SMARCAD1: variants seen among roughly 807,000 people sequenced by gnomAD.
SMARCAD1 encodes the protein SNF2 related chromatin remodeling ATPase with DExD box 1, also known as SWI/SNF-related matrix-associated actin-dependent regulator of chromatin subfamily A containing DEAD/H box 1.
SMARCAD1 carries 25 observed loss-of-function variants against 127.1 expected under a neutral mutation model. The observed-to-expected ratio is 0.20, with a 90% CI of 0.14 to 0.27. The LOEUF (loss-of-function observed/expected upper bound fraction) is 0.27, where lower values mean the gene tolerates loss of function less well. Ranked by LOEUF, SMARCAD1 falls within the 10% of genes least tolerant of loss-of-function variation. The pLI is 1.00. For missense variants in SMARCAD1, 807 were observed against 1,206.0 expected, an observed-to-expected ratio of 0.67 and a Z score of 4.90; for synonymous variants, 400 against 396.9, an observed-to-expected ratio of 1.01 and a Z score of -0.09.
At chr4:94,270,857 G>T in intron 11 of SMARCAD1, 39 bp downstream of exon 11, 1 of 1,569,078 alleles carries the variant, frequency 6.4e-7, no homozygotes, top group African/African-American at 1.3e-5. Flanking sequence ...TGTTGAAAGT[G>T]TCATTAAAAG....
intron 23 of SMARCAD1, among the ~76,000 whole-genome samples, chr4:94,287,215 T>G: frequency 6.6e-6 from 1 of 152,314 alleles, no homozygotes; most frequent in East Asian, 1.9e-4. Context: ...AGAATAAGGA[T>G]GTAATGGCGT....
chr4:94,252,771 T>C lies in SMARCAD1; in HGVS notation c.1045T>C (p.Phe349Leu). 6.2e-7 allele frequency: 1 copy of C among 1,610,790 alleles called. No homozygotes were observed. Among genetic ancestry groups the C allele is most frequent in the Non-Finnish European group, 8.5e-7 (1 of 1,179,302 alleles). ...TAACAAGAAACGTAAAAAAAATGTT[T>C]TTAATCCAAAGAGAGTTGTTGAAGA... is the stretch of plus-strand genomic sequence containing the variant. ...GFNKKRKKNVFNPKRVVEDSE... is the reference protein window; with the variant it reads ...GFNKKRKKNVLNPKRVVEDSE... The change falls in exon 9 of 24, where the codon TTT (phenylalanine) becomes CTT (leucine). Residue 349 changes from phenylalanine (F) to leucine (L), a missense_variant. Physicochemically the swap from Phe to Leu is conservative, Grantham distance 22 (BLOSUM62 0). This residue lies in a region of SMARCAD1 where 257 missense variants were observed against 303.4 expected (regional missense o/e 0.85). Transcript: ENST00000354268.
chr4:94,232,439 T>G (rs1179461317), intron 3 of SMARCAD1, among the ~76,000 whole-genome samples: 1 of 152,062 alleles, frequency 6.6e-6, no homozygotes, highest in Non-Finnish European at 1.5e-5. Context: ...AGAGGCAAGG[T>G]CAAGTAGGGA....
rs568571301 is a variant in SMARCAD1, at chr4:94,214,264, T to C, written c.190+5680T>C. Reference sequence around the variant, plus strand: ...GATTATTGAAAATTGAGCGTTCTTTTGTTTTTTTTTTTTTTTTTGAGACAG... The same window carrying C: ...GATTATTGAAAATTGAGCGTTCTTTCGTTTTTTTTTTTTTTTTTGAGACAG... On this transcript the variant is annotated intron_variant, in intron 2 of 23. Transcript: ENST00000354268. Among the ~76,000 whole-genome samples, 5 of 111,940 alleles carry C rather than the reference T, an allele frequency of 4.5e-5. No homozygotes were observed. In the South Asian group the frequency reaches 1.5e-3, roughly 33 times the overall value. 73.4% of individuals were successfully genotyped at this position (111,940 alleles called of 152,430 possible). A position where few individuals can be genotyped will look rare whatever the true frequency, so the allele number is the denominator to read the frequency against.
chr4:94,250,710 A>G (rs1749155088), intron 7 of SMARCAD1, 42 bp from the exon 8 acceptor site: 1 of 1,405,642 alleles, frequency 7.1e-7, no homozygotes, highest in Non-Finnish European at 9.8e-7. Context: ...GCAAGTTGCT[A>G]ATTTGAGATT....
Position 94,244,717 on chromosome 4 carries a change from GTTC to G in SMARCAD1, c.705+3716_705+3718del, listed in dbSNP as rs139494137. On this transcript the variant is annotated intron_variant, in intron 6 of 23. Coordinates refer to ENST00000354268, the MANE Select transcript of SMARCAD1 (RefSeq NM_020159.5). ...ACATTTGCATTTATATTTTTACTTA[GTTC>G]TTCTCTGTTAAAGAGGATGAATGCC... 9.1e-3 allele frequency among the ~76,000 whole-genome samples: 1,366 copies of G among 150,594 alleles called. 24 individuals are homozygous for G. The highest frequency in any genetic ancestry group is 0.031 in the African/African-American group (1,272 of 40,860).
chr4:94,253,395 T>C, intron 9 of SMARCAD1: 1 of 1,262,708 alleles, frequency 7.9e-7, no homozygotes, highest in Non-Finnish European at 1.0e-6. Flanking sequence ...GCAGAAATTT[T>C]ACTACAACTA....
chr4:94,266,946 A>G (rs1479495891), intron 10 of SMARCAD1, among the ~76,000 whole-genome samples: 3 of 152,162 alleles, frequency 2.0e-5, no homozygotes, highest in African/African-American at 7.2e-5. Context: ...TTAAAATGTC[A>G]AAATTTAAAT....
intron 2 of SMARCAD1, among the ~76,000 whole-genome samples, chr4:94,212,161 A>G (rs1172453021): frequency 6.6e-6 from 1 of 152,200 alleles, no homozygotes; most frequent in East Asian, 1.9e-4. Flanking sequence ...TACTTTATAC[A>G]TTTTTTAAAA....
chr4:94,248,825 A>G (rs765935542), intron 6 of SMARCAD1, among the ~76,000 whole-genome samples: 23 of 152,280 alleles, frequency 1.5e-4, no homozygotes, highest in Admixed American at 4.6e-4. Flanking sequence ...AGTTATTTCT[A>G]TCTAAGGTAC....
At chr4:94,218,968 C>T (rs1212940983) in intron 2 of SMARCAD1, among the ~76,000 whole-genome samples, 3 of 151,944 alleles carry the variant, frequency 2.0e-5, no homozygotes, top group African/African-American at 4.8e-5. Context: ...TGCACCACCA[C>T]GCCTGGCTAA....
At chr4:94,280,531 T>C in intron 19 of SMARCAD1, 61 bp from the exon 20 acceptor site, 2 of 1,367,038 alleles carry the variant, frequency 1.5e-6, no homozygotes, top group African/African-American at 2.9e-5. Context: ...TATTAAACTT[T>C]TCTCATCATA....
intron 6 of SMARCAD1, among the ~76,000 whole-genome samples, chr4:94,244,310 A>G (rs1312749300): frequency 6.6e-6 from 1 of 152,244 alleles, no homozygotes; most frequent in Non-Finnish European, 1.5e-5. Context: ...TCCTACAAAC[A>G]ATGCTACAGT....
intron 6 of SMARCAD1, among the ~76,000 whole-genome samples, chr4:94,248,309 C>T (rs1748766618): frequency 6.6e-6 from 1 of 151,956 alleles, no homozygotes; most frequent in East Asian, 1.9e-4. Flanking sequence ...ATGTGTTTAC[C>T]ACAATTTGTC....
intron 3 of SMARCAD1, among the ~76,000 whole-genome samples, chr4:94,231,129 T>C (rs149317146): frequency 6.6e-6 from 1 of 152,300 alleles, no homozygotes; most frequent in East Asian, 1.9e-4. Context: ...AGAAAATCAG[T>C]CTAATAAAAT....
intron 3 of SMARCAD1, among the ~76,000 whole-genome samples, chr4:94,230,695 A>G (rs554021770): frequency 6.6e-6 from 1 of 151,606 alleles, no homozygotes; most frequent in South Asian, 2.1e-4. Flanking sequence ...ACTACCCCCT[A>G]CCCCAACTTT....
chr4:94,214,011 G>A (rs1742728906), intron 2 of SMARCAD1, among the ~76,000 whole-genome samples: 2 of 152,020 alleles, frequency 1.3e-5, no homozygotes, highest in South Asian at 4.2e-4. Flanking sequence ...ATAGTGTCCT[G>A]GATACCTAAA....
At chr4:94,211,397 C>T (rs1742233784) in intron 2 of SMARCAD1, among the ~76,000 whole-genome samples, 1 of 152,060 alleles carries the variant, frequency 6.6e-6, no homozygotes, top group Non-Finnish European at 1.5e-5. Flanking sequence ...CTGGAGAGGA[C>T]AAGATACTGA....
At chr4:94,270,253 C>A (rs1752361323) in intron 10 of SMARCAD1, among the ~76,000 whole-genome samples, 1 of 151,956 alleles carries the variant, frequency 6.6e-6, no homozygotes, top group African/African-American at 2.4e-5. Context: ...TTATACATAC[C>A]ACTGATATTA....
Sources: gnomAD v4.1 joint callset for allele counts (sites outside exome capture counted in the v4.1 genomes callset) on GRCh38, gnomAD v4.1.1 for gene constraint, gnomAD v4.1.1 regional missense constraint, MANE v1.5 for transcripts, NCBI Gene and HGNC (gene_info 2026-07-23, HGNC 2026-07-21) for gene names.